SRPK2: variants seen among roughly 807,000 people sequenced by gnomAD.
SRPK2 encodes SFRS protein kinase 2.
In SRPK2, 21 loss-of-function variants were observed where a neutral mutation model predicts 90.8. The ratio of observed to expected loss-of-function variants is 0.23; its 90% CI spans 0.16 to 0.33. The LOEUF is 0.33. SRPK2 is among the 10% of genes least tolerant of loss of function. The pLI is 1.00. For synonymous variants in SRPK2, 288 were observed against 311.1 expected (o/e 0.93, Z 0.78); for missense variants, 620 against 869.0 (o/e 0.71, Z 3.60).
chr7:105,170,840 A>AAGGAAGG (rs1790796752), intron 3 of SRPK2, among the ~76,000 whole-genome samples: 2 of 8,004 alleles, frequency 2.5e-4, no homozygotes, highest in African/African-American at 8.3e-4. Flanking sequence ...AGAAAGGAAG[A>AAGGAAGG]AAGAAAGAAA....
intron 2 of SRPK2, among the ~76,000 whole-genome samples, chr7:105,317,311 G>A (rs1563230098): frequency 6.6e-6 from 1 of 152,166 alleles, no homozygotes; most frequent in Admixed American, 6.5e-5. Context: ...TTCATGTAAG[G>A]ATGTTCTTGA....
At chr7:105,307,822 T>C (rs1421781671) in intron 2 of SRPK2, among the ~76,000 whole-genome samples, 19 of 152,208 alleles carry the variant, frequency 1.2e-4, no homozygotes, top group Admixed American at 1.2e-3. Flanking sequence ...ATAATCATCA[T>C]AGTAACTTAA....
chr7:105,398,663 T>A (rs1822393163), intron 1 of SRPK2, among the ~76,000 whole-genome samples: 1 of 152,224 alleles, frequency 6.6e-6, no homozygotes, highest in African/African-American at 2.4e-5. Flanking sequence ...TAAAGTTTAT[T>A]TATATCTAAT....
chr7:105,310,507 G>C (rs1038017153), intron 2 of SRPK2, among the ~76,000 whole-genome samples: 3 of 152,142 alleles, frequency 2.0e-5, no homozygotes, highest in Admixed American at 6.5e-5. Flanking sequence ...AGCAGGGCAT[G>C]GTGGCACACT....
At chr7:105,152,323 T>C (rs1422124049) in intron 7 of SRPK2, among the ~76,000 whole-genome samples, 1 of 152,000 alleles carries the variant, frequency 6.6e-6, no homozygotes, top group Non-Finnish European at 1.5e-5. Flanking sequence ...CTACTTTTTG[T>C]ATTTTAGTAG....
chr7:105,125,649 T>C (rs899995916), intron 15 of SRPK2: 8 of 362,984 alleles, frequency 2.2e-5, no homozygotes, highest in Middle Eastern at 3.8e-4. Context: ...GGTTTATTTC[T>C]TGAGAGCTTT....
At chr7:105,396,847 A>G (rs1822346692) in intron 1 of SRPK2, among the ~76,000 whole-genome samples, 1 of 146,862 alleles carries the variant, frequency 6.8e-6, no homozygotes. Flanking sequence ...AAAGAAATAG[A>G]GGGAGGGAGG....
chr7:105,319,048 A>T (rs1812611609), intron 2 of SRPK2, among the ~76,000 whole-genome samples: 2 of 152,252 alleles, frequency 1.3e-5, no homozygotes, highest in African/African-American at 4.8e-5. Flanking sequence ...CTAAAATAAA[A>T]ACAAATCCAA....
In SRPK2 at chr7:105,367,057, CT is replaced by C. The variant is rs149200074; in HGVS notation, c.71+21590del. ...ATATGTAAGAAAAATATGAGATCAC[CT>C]TTTTTTTTGTTTTTTTTTTTGTTTG... On this transcript the variant is annotated intron_variant, in intron 2 of 15. Transcript: ENST00000393651. Among the ~76,000 whole-genome samples, 1,070 of 145,004 alleles carry C rather than the reference CT, an allele frequency of 7.4e-3. 16 individuals are homozygous for C. The highest frequency in any genetic ancestry group is 0.026 in the African/African-American group (1,018 of 39,170).
chr7:105,234,818 G>T (rs1799927811), intron 2 of SRPK2, among the ~76,000 whole-genome samples: 1 of 152,202 alleles, frequency 6.6e-6, no homozygotes, highest in African/African-American at 2.4e-5. Flanking sequence ...AAGGTTCAGT[G>T]TGGGTAAGAA....
chr7:105,358,761 C>G (rs543162708), intron 2 of SRPK2, among the ~76,000 whole-genome samples: 1 of 152,056 alleles, frequency 6.6e-6, no homozygotes, highest in South Asian at 2.1e-4. Flanking sequence ...ATTTTTGCTG[C>G]TAAAGAAGGA....
chr7:105,267,844 T>A (rs1347066532), intron 2 of SRPK2, among the ~76,000 whole-genome samples: 1 of 152,010 alleles, frequency 6.6e-6, no homozygotes, highest in African/African-American at 2.4e-5. Context: ...ATATTACATC[T>A]ATGAACAAAA....
chr7:105,282,558 A>ACG (rs1563188891), intron 2 of SRPK2, among the ~76,000 whole-genome samples: 4 of 151,708 alleles, frequency 2.6e-5, no homozygotes, highest in South Asian at 2.1e-4. Context: ...ATCTCTGTGC[A>ACG]TTGGGAGGCC....
At chr7:105,301,380 G>C (rs1350310664) in intron 2 of SRPK2, 2 of 606,648 alleles carry the variant, frequency 3.3e-6, no homozygotes, top group Admixed American at 5.8e-5. Flanking sequence ...CGCACGATTG[G>C]CACCTGCCAG....
In SRPK2 at chr7:105,192,050, CTTTTT is replaced by C. The variant is rs34465290; in HGVS notation, c.229+11573_229+11577del. On this transcript the variant is annotated intron_variant, in intron 3 of 15. Transcript: ENST00000393651. ...TTTAAAAGCTCCACTTCTGCTTCTGCTTTTTTTTTTTTTTTTAATTTCCATAAGTT... is the reference window on the plus strand; with the variant it reads ...TTTAAAAGCTCCACTTCTGCTTCTGCTTTTTTTTTTTAATTTCCATAAGTT... 4.2e-5 allele frequency among the ~76,000 whole-genome samples: 6 copies of C among 143,890 alleles called. No homozygotes were observed. The South Asian group carries it at 8.8e-4, about 21-fold the overall frequency. The allele number at this position is 143,890 out of a possible 152,430, so 94.4% of individuals were successfully genotyped here. A position where few individuals can be genotyped will look rare whatever the true frequency, so the allele number is the denominator to read the frequency against.
chr7:105,242,693 T>C lies in SRPK2; in HGVS notation c.72-38908A>G, dbSNP rs2299322. On this transcript the variant is annotated intron_variant, in intron 2 of 15. Transcript: ENST00000393651. ...CAAGTGACAAAAACAATCTAGAGTT[T>C]ATTCTTGCCAACCTGAAATGAATCA... is the stretch of plus-strand genomic sequence containing the variant. Among the ~76,000 whole-genome samples, 1,198 of 152,274 alleles carry C rather than the reference T, an allele frequency of 7.9e-3. 32 individuals are homozygous for C. The highest frequency in any genetic ancestry group is 0.052 in the Admixed American group (801 of 15,298).
At chr7:105,302,437 C>T (rs1358291991) in intron 2 of SRPK2, among the ~76,000 whole-genome samples, 1 of 152,156 alleles carries the variant, frequency 6.6e-6, no homozygotes, top group African/African-American at 2.4e-5. Flanking sequence ...CCTTTTCAAA[C>T]TATCATCCTG....
At chr7:105,296,625 C>CT (rs1437732843) in intron 2 of SRPK2, among the ~76,000 whole-genome samples, 1 of 152,126 alleles carries the variant, frequency 6.6e-6, no homozygotes, top group African/African-American at 2.4e-5. Context: ...TTTACAAGAA[C>CT]TAAGGAAATC....
Position 105,257,872 on chromosome 7 carries a change from G to A in SRPK2, c.72-54087C>T, listed in dbSNP as rs577379829. On this transcript the variant is annotated intron_variant, in intron 2 of 15. Transcript: ENST00000393651. ...CACACCTGTAAACCCAGCACATTGG[G>A]AGTCCGAGGCAGGCAGAGCAAGAGG... Among the ~76,000 whole-genome samples the A allele has an allele frequency of 3.9e-5, 6 of 152,296 alleles. No homozygotes were observed. The South Asian group carries it at 1.2e-3, about 32-fold the overall frequency.
Sources: gnomAD v4.1 joint callset for allele counts (sites outside exome capture counted in the v4.1 genomes callset) on GRCh38, gnomAD v4.1.1 for gene constraint, MANE v1.5 for transcripts, NCBI Gene and HGNC (gene_info 2026-07-23, HGNC 2026-07-21) for gene names.